HIVEP1: variants seen among roughly 807,000 people sequenced by gnomAD.
The protein encoded by HIVEP1 is HIVEP zinc finger 1.
In HIVEP1, 36 loss-of-function variants were observed where a neutral mutation model predicts 180.0. The ratio of observed to expected loss-of-function variants is 0.20; its 90% CI spans 0.15 to 0.26. The LOEUF is 0.26. HIVEP1 is among the 10% of genes least tolerant of loss of function. The probability of loss-of-function intolerance (pLI) is 1.00; values close to 1 mark genes in which losing one functional copy is unlikely to be tolerated. For synonymous variants in HIVEP1, 1,239 were observed against 1,239.0 expected (o/e 1.00, Z 0.00); for missense variants, 3,143 against 3,268.7 (o/e 0.96, Z 0.94).
At chr6:12,205,628 A>G in the HIVEP1 span, among the ~76,000 whole-genome samples, 1 of 152,144 alleles carries the variant, frequency 6.6e-6, no homozygotes, top group South Asian at 2.1e-4. Context: ...ACTTCTGTGC[A>G]CCTTCTGTGT....
chr6:12,020,120 A>G, intron 2 of HIVEP1: 1 of 280,342 alleles, frequency 3.6e-6, no homozygotes, highest in East Asian at 8.8e-5. Context: ...TAAGTGAGAC[A>G]GTGTCCGACT....
chr6:12,143,417 ACAAC>A (rs1373801274), intron 7 of HIVEP1, among the ~76,000 whole-genome samples: 2 of 152,354 alleles, frequency 1.3e-5, no homozygotes, highest in African/African-American at 4.8e-5. Context: ...TGACAAACCC[ACAAC>A]CAATATCATA....
chr6:12,163,675 G>A lies in HIVEP1; in HGVS notation c.7371G>A (p.Val2457=). 6.2e-7 allele frequency: 1 copy of A among 1,614,152 alleles called. No homozygotes were observed. Among genetic ancestry groups the A allele is most frequent in the Non-Finnish European group, 8.5e-7 (1 of 1,180,030 alleles). The part of the protein sequence containing the change: ...EVSGTTNPAG[V]AELSSVVPCI... ...CTGGCACTACAAACCCTGCTGGAGT[G>A]GCTGAATTAAGCAGTGTTGTGCCAT... Residue 2457 remains valine, a synonymous_variant, in exon 9 of 9, where the codon GTG becomes GTA. Transcript: ENST00000379388.
At chr6:12,009,900 A>C (rs1767188640), upstream of HIVEP1, among the ~76,000 whole-genome samples, 1 of 152,258 alleles carries the variant, frequency 6.6e-6, no homozygotes. Context: ...GTTCGTAGTA[A>C]TGCTGAATCC....
chr6:12,060,659 G>A (rs1771166179), intron 2 of HIVEP1, among the ~76,000 whole-genome samples: 1 of 152,134 alleles, frequency 6.6e-6, no homozygotes, highest in South Asian at 2.1e-4. Flanking sequence ...CATAAAGGGG[G>A]CTTGCTGAGA....
intron 2 of HIVEP1, among the ~76,000 whole-genome samples, chr6:12,085,187 G>A (rs554509486): frequency 6.6e-6 from 1 of 152,182 alleles, no homozygotes; most frequent in East Asian, 1.9e-4. Flanking sequence ...AGAGAAACAG[G>A]GTTCTGTGCA....
chr6:12,099,936 T>C (rs1022864196), intron 3 of HIVEP1, among the ~76,000 whole-genome samples: 4 of 152,228 alleles, frequency 2.6e-5, no homozygotes, highest in Admixed American at 1.3e-4. Flanking sequence ...AGTTTGTGTA[T>C]GTCGTCACAA....
upstream of HIVEP1, among the ~76,000 whole-genome samples, chr6:12,009,920 A>G (rs1191538387): frequency 1.3e-5 from 2 of 152,248 alleles, no homozygotes; most frequent in African/African-American, 4.8e-5. Flanking sequence ...CTACATAAAC[A>G]TTGTGTTGAC....
At chr6:12,129,287 T>C (rs1758279153) in intron 4 of HIVEP1, among the ~76,000 whole-genome samples, 2 of 152,228 alleles carry the variant, frequency 1.3e-5, no homozygotes, top group Non-Finnish European at 2.9e-5. Context: ...TACCTTATAA[T>C]GCACTGAAGC....
Position 12,124,559 on chromosome 6 carries a change from T to G in HIVEP1, c.4764T>G (p.Asp1588Glu), listed in dbSNP as rs1757930829. Reference protein sequence around the residue: ...VHSLPNQVISDPVGTDHCVTS... With the variant: ...VHSLPNQVISEPVGTDHCVTS... Reference sequence around the variant, plus strand: ...CTTTGCCAAATCAAGTTATTTCAGATCCAGTTGGAACAGATCATTGTGTGA... The same window carrying G: ...CTTTGCCAAATCAAGTTATTTCAGAGCCAGTTGGAACAGATCATTGTGTGA... Residue 1588 changes from aspartate (D) to glutamate (E), a missense_variant, in exon 4 of 9, where the codon GAT becomes GAG. Asp to Glu is a conservative substitution (Grantham distance 45). Transcript: ENST00000379388. The G allele has an allele frequency of 1.2e-6, 2 of 1,613,970 alleles. No individual in the cohort carries two copies. The highest frequency in any genetic ancestry group is 1.7e-6 in the Non-Finnish European group (2 of 1,179,986).
rs1760398108 is a variant in HIVEP1, at chr6:12,161,563, A to G, written c.6612A>G (p.Ser2204=). ...ACAGCCAGGCTGAATCAGTCCTGTC[A>G]GCCACACCCTCAGTCACAGCTAGCC... ...DEDSQAESVL[S]ATPSVTASPQ... is the part of the protein sequence containing the mutation. Residue 2204 remains serine, a synonymous_variant, in exon 8 of 9, where the codon TCA becomes TCG. Transcript: ENST00000379388. 6.2e-7 allele frequency: 1 copy of G among 1,614,188 alleles called. No individual in the cohort carries two copies.
chr6:12,112,800 C>T (rs1280911825), intron 3 of HIVEP1, among the ~76,000 whole-genome samples: 1 of 152,086 alleles, frequency 6.6e-6, no homozygotes, highest in Non-Finnish European at 1.5e-5. Context: ...TTGGCGGTCC[C>T]TGTGTTTCCA....
At chr6:12,085,221 A>C (rs1773042229) in intron 2 of HIVEP1, among the ~76,000 whole-genome samples, 1 of 152,090 alleles carries the variant, frequency 6.6e-6, no homozygotes, top group Admixed American at 6.6e-5. Flanking sequence ...TGGTACAGAG[A>C]GAGTGATGGG....
intron 2 of HIVEP1, among the ~76,000 whole-genome samples, chr6:12,023,460 C>T (rs972976444): frequency 6.6e-6 from 1 of 152,090 alleles, no homozygotes; most frequent in East Asian, 1.9e-4. Context: ...GTGGAAACAA[C>T]CCCATGGCTT....
chr6:12,071,157 T>C (rs1448508231), intron 2 of HIVEP1, among the ~76,000 whole-genome samples: 1 of 152,200 alleles, frequency 6.6e-6, no homozygotes, highest in Non-Finnish European at 1.5e-5. Flanking sequence ...TGACTTCTCA[T>C]CCCTAATAGA....
intron 7 of HIVEP1, among the ~76,000 whole-genome samples, chr6:12,159,161 A>G (rs1380150801): frequency 6.6e-6 from 1 of 152,024 alleles, no homozygotes. Context: ...TGGGTTTGGA[A>G]AAAGTTAATA....
chr6:12,207,742 A>AAATAAT, the HIVEP1 span, among the ~76,000 whole-genome samples: 27,231 of 138,044 alleles, frequency 0.2, 2,839 homozygotes, highest in East Asian at 0.32. Flanking sequence ...AGTCTCTACA[A>AAATAAT]AATAATAATA....
At chr6:12,041,262 A>T (rs541898797) in intron 2 of HIVEP1, among the ~76,000 whole-genome samples, 1 of 151,896 alleles carries the variant, frequency 6.6e-6, no homozygotes, top group Non-Finnish European at 1.5e-5. Context: ...TCTACTAAAA[A>T]TTCAAAAACA....
chr6:12,168,855 A>C (rs529525749), downstream of HIVEP1, among the ~76,000 whole-genome samples: 1 of 152,032 alleles, frequency 6.6e-6, no homozygotes. Context: ...AGGCTAAGCT[A>C]TGTTGTTCAG....
Sources: allele counts gnomAD v4.1 joint callset (sites outside exome capture counted in the v4.1 genomes callset), GRCh38; gene constraint gnomAD v4.1.1; transcripts MANE v1.5; gene names NCBI Gene and HGNC (gene_info 2026-07-23, HGNC 2026-07-21).